ESR2: variants seen among roughly 807,000 people sequenced by gnomAD.
The protein encoded by ESR2 is estrogen receptor beta.
Under a neutral mutation model 49.6 loss-of-function variants are expected in ESR2, and 36 were observed. The ratio of observed to expected loss-of-function variants is 0.73; its 90% CI spans 0.56 to 0.96. The LOEUF is 0.96. Ranked by LOEUF, ESR2 falls within the 40% of genes least tolerant of loss-of-function variation. The probability of loss-of-function intolerance (pLI) is 0.00; values close to 1 mark genes in which losing one functional copy is unlikely to be tolerated. For synonymous variants in ESR2, 320 were observed against 266.1 expected (o/e 1.20, Z -1.97); for missense variants, 714 against 693.0 (o/e 1.03, Z -0.34).
intron 6 of ESR2, among the ~76,000 whole-genome samples, chr14:64,250,837 G>T (rs1294600447): frequency 1.3e-5 from 2 of 152,010 alleles, no homozygotes. Flanking sequence ...GCACTCACCG[G>T]GATCCTGCAT....
intron 1 of ESR2, among the ~76,000 whole-genome samples, chr14:64,288,208 T>C (rs996702106): frequency 1.3e-5 from 2 of 152,152 alleles, no homozygotes; most frequent in Non-Finnish European, 2.9e-5. Flanking sequence ...GGTGTTCTAA[T>C]GTACTGGCTG....
At chr14:64,338,176 T>A (rs910482422), upstream of ESR2, 2 of 154,782 alleles carry the variant, frequency 1.3e-5, no homozygotes, top group Admixed American at 6.6e-5. Flanking sequence ...GACGTGCGGG[T>A]GACAAAATCC....
chr14:64,315,841 G>C (rs776012223), intron 1 of ESR2, among the ~76,000 whole-genome samples: 1 of 151,930 alleles, frequency 6.6e-6, no homozygotes, highest in Non-Finnish European at 1.5e-5. Context: ...TTTTAGTAGA[G>C]AGAGTGTTTC....
rs1303314175 is a variant in ESR2, at chr14:64,282,888, GGTAT to G, written c.94_97del (p.Ile32LeufsTer5). 6.2e-7 allele frequency: 1 copy of G among 1,614,078 alleles called. No homozygotes were observed. Among genetic ancestry groups the G allele is most frequent in the Non-Finnish European group, 8.5e-7 (1 of 1,180,012 alleles). ...ATGGTGGCTGTCTACATAGGAGGAA[GGTAT>G]GTATATGGAGCCGTGCTCCAGGGGT... On this transcript the variant is annotated frameshift_variant, in exon 2 of 9. Coordinates refer to ENST00000341099, the MANE Select transcript of ESR2 (RefSeq NM_001437.3). LOFTEE classifies it high-confidence loss of function.
At chr14:64,270,531 G>A (rs1479640185) in intron 3 of ESR2, among the ~76,000 whole-genome samples, 2 of 150,054 alleles carry the variant, frequency 1.3e-5, no homozygotes, top group Admixed American at 6.6e-5. Context: ...TTTTTTTTGA[G>A]ACAGAACCTT....
intron 1 of ESR2, among the ~76,000 whole-genome samples, chr14:64,331,173 T>C (rs916166416): frequency 6.6e-6 from 1 of 151,744 alleles, no homozygotes; most frequent in Non-Finnish European, 1.5e-5. Context: ...AAATGAAAAA[T>C]GGAAAAATAC....
chr14:64,273,139 T>TC (rs1454643077), intron 3 of ESR2, among the ~76,000 whole-genome samples: 3 of 152,162 alleles, frequency 2.0e-5, no homozygotes, highest in South Asian at 2.1e-4. Flanking sequence ...GATTTTTTTT[T>TC]CAGATTGTTT....
intron 1 of ESR2, among the ~76,000 whole-genome samples, chr14:64,313,023 A>G (rs1052783385): frequency 6.6e-6 from 1 of 152,224 alleles, no homozygotes; most frequent in Non-Finnish European, 1.5e-5. Context: ...AAATAAAAAT[A>G]TAAGGAATTT....
At chr14:64,321,674 T>G (rs1043968665) in intron 1 of ESR2, among the ~76,000 whole-genome samples, 3 of 152,096 alleles carry the variant, frequency 2.0e-5, no homozygotes, top group Non-Finnish European at 4.4e-5. Flanking sequence ...GGAGGCAATT[T>G]GTAGAAAAGA....
intron 7 of ESR2, among the ~76,000 whole-genome samples, chr14:64,247,813 T>C (rs1221364104): frequency 6.6e-6 from 1 of 152,198 alleles, no homozygotes; most frequent in Non-Finnish European, 1.5e-5. Context: ...CACATCTCTA[T>C]TTATTGCAGT....
intron 7 of ESR2, among the ~76,000 whole-genome samples, chr14:64,236,935 T>A (rs1350253820): frequency 6.6e-6 from 1 of 150,998 alleles, no homozygotes; most frequent in Non-Finnish European, 1.5e-5. Context: ...AGACTGGACA[T>A]GAGTGCTTTG....
intron 1 of ESR2, among the ~76,000 whole-genome samples, chr14:64,320,895 CAAT>C (rs905192653): frequency 1.3e-5 from 2 of 151,264 alleles, no homozygotes; most frequent in African/African-American, 2.4e-5. Flanking sequence ...AACTCCGCCT[CAAT>C]AATAATAATA....
intron 1 of ESR2, chr14:64,337,614 A>G (rs893701526): frequency 2.0e-5 from 3 of 152,222 alleles, no homozygotes; most frequent in African/African-American, 7.2e-5. Context: ...AAATATGCTA[A>G]AAATCATTGA....
chr14:64,322,601 T>C (rs559700206), intron 1 of ESR2, among the ~76,000 whole-genome samples: 3 of 152,248 alleles, frequency 2.0e-5, no homozygotes, highest in Non-Finnish European at 4.4e-5. Flanking sequence ...TACCTTGTTT[T>C]TTGTTTCTTT....
chr14:64,250,627 G>T (rs1288313523), intron 6 of ESR2, among the ~76,000 whole-genome samples: 3 of 152,170 alleles, frequency 2.0e-5, no homozygotes, highest in Non-Finnish European at 4.4e-5. Context: ...CACAGAAAGG[G>T]CAGTGGGTTT....
intron 1 of ESR2, among the ~76,000 whole-genome samples, chr14:64,323,770 C>T (rs768690993): frequency 2.0e-5 from 3 of 152,204 alleles, no homozygotes; most frequent in Admixed American, 6.5e-5. Flanking sequence ...CAGCTCACTG[C>T]AACCTCCACT....
At chr14:64,260,810 C>T (rs1384035223) in intron 4 of ESR2, 62 bp from the exon 5 acceptor site, 1 of 1,396,056 alleles carries the variant, frequency 7.2e-7, no homozygotes, top group Non-Finnish European at 9.4e-7. Flanking sequence ...GCAAAAGCAG[C>T]TTGACTTTTA....
At chr14:64,315,348 A>C (rs1442854640) in intron 1 of ESR2, among the ~76,000 whole-genome samples, 1 of 152,142 alleles carries the variant, frequency 6.6e-6, no homozygotes, top group Admixed American at 6.6e-5. Flanking sequence ...CTAAAAAATA[A>C]TAAGGAATTA....
chr14:64,299,563 C>T (rs1437735118), intron 1 of ESR2, among the ~76,000 whole-genome samples: 2 of 152,058 alleles, frequency 1.3e-5, no homozygotes, highest in South Asian at 2.1e-4. Context: ...AGGGTTTCAC[C>T]GTGGTAGCCA....
Sources: allele counts gnomAD v4.1 joint callset (sites outside exome capture counted in the v4.1 genomes callset), GRCh38; gene constraint gnomAD v4.1.1; transcripts MANE v1.5; gene names NCBI Gene and HGNC (gene_info 2026-07-23, HGNC 2026-07-21).